ULK4: variants seen among roughly 807,000 people sequenced by gnomAD.
ULK4 encodes inactive serine/threonine-protein kinase ULK4.
A neutral mutation model predicts 160.6 loss-of-function variants in ULK4; 133 were observed. That is an observed-to-expected ratio of 0.83 (90% CI 0.72 to 0.96). ULK4 has a LOEUF of 0.96. ULK4 is among the 40% of genes least tolerant of loss of function. The pLI is 0.00. For synonymous variants in ULK4, 534 were observed against 539.8 expected, an observed-to-expected ratio of 0.99 and a Z score of 0.15; for missense variants, 1,580 against 1,499.5, an observed-to-expected ratio of 1.05 and a Z score of -0.89.
intron 8 of ULK4, among the ~76,000 whole-genome samples, chr3:41,913,621 C>T (rs575151594): frequency 3.9e-5 from 6 of 152,264 alleles, no homozygotes; most frequent in African/African-American, 1.2e-4. Flanking sequence ...CCCTAACTGA[C>T]ACATTTAAGT....
At chr3:41,279,568 G>A (rs573659122) in intron 35 of ULK4, among the ~76,000 whole-genome samples, 114 of 5,002 alleles carry the variant, frequency 0.023, no homozygotes, top group Non-Finnish European at 0.032. Context: ...GAGAAAGGTC[G>A]GGTTACCCCC....
chr3:41,641,828 C>T (rs1392948906), intron 30 of ULK4, among the ~76,000 whole-genome samples: 1 of 118,146 alleles, frequency 8.5e-6, no homozygotes, highest in Admixed American at 7.8e-5. Flanking sequence ...GTTTAAAATG[C>T]AAGTAAAAAA....
chr3:41,854,950 A>G lies in ULK4; in HGVS notation c.1657-18979T>C, dbSNP rs921274618. The G allele has an allele frequency of 1.2e-4, 6 of 51,078 alleles. No individual in the cohort carries two copies. The African/African-American group carries it at 1.7e-3, about 15-fold the overall frequency. The allele number at this position is 51,078 out of a possible 1,614,324, so 3.2% of individuals were successfully genotyped here. ...GGGCCTATACACCCATCCTTGGCTTAAAAAAAAAAAAAAAAAAAAAAAAAA... is the reference window on the plus strand; with the variant it reads ...GGGCCTATACACCCATCCTTGGCTTGAAAAAAAAAAAAAAAAAAAAAAAAA... On this transcript the variant is annotated intron_variant, in intron 17 of 36. Coordinates refer to ENST00000301831, the MANE Select transcript of ULK4 (RefSeq NM_017886.4).
At chr3:41,588,921 G>A (rs1017799448) in intron 31 of ULK4, among the ~76,000 whole-genome samples, 3 of 152,122 alleles carry the variant, frequency 2.0e-5, no homozygotes. Flanking sequence ...AGTTCTCATT[G>A]AGCAGTATGT....
At chr3:41,751,540 A>G (rs1434668512) in intron 22 of ULK4, among the ~76,000 whole-genome samples, 1 of 152,160 alleles carries the variant, frequency 6.6e-6, no homozygotes, top group African/African-American at 2.4e-5. Context: ...AGAAGAGTGG[A>G]GGTCAGTGTC....
intron 32 of ULK4, among the ~76,000 whole-genome samples, chr3:41,473,090 C>A (rs1031925585): frequency 6.6e-6 from 1 of 152,062 alleles, no homozygotes; most frequent in Non-Finnish European, 1.5e-5. Flanking sequence ...AATCAATGTA[C>A]CTCAACATAA....
intron 30 of ULK4, among the ~76,000 whole-genome samples, chr3:41,662,946 CG>C (rs1427827843): frequency 6.6e-6 from 1 of 151,772 alleles, no homozygotes; most frequent in African/African-American, 2.4e-5. Context: ...GTCGGCCGGG[CG>C]GGGTGGCTCA....
chr3:41,935,735 A>G (rs1699756498), intron 4 of ULK4, 66 bp downstream of exon 4: 1 of 1,510,632 alleles, frequency 6.6e-7, no homozygotes, highest in Non-Finnish European at 8.9e-7. Flanking sequence ...AAATAACAAC[A>G]TCTTTGAGAA....
At chr3:41,552,442 A>G (rs958236592) in intron 32 of ULK4, among the ~76,000 whole-genome samples, 5 of 152,036 alleles carry the variant, frequency 3.3e-5, no homozygotes, top group Non-Finnish European at 7.4e-5. Context: ...AAAAATCAGT[A>G]GTCTTTTTAT....
intron 32 of ULK4, among the ~76,000 whole-genome samples, chr3:41,464,022 G>A (rs1239145493): frequency 2.1e-5 from 3 of 143,746 alleles, no homozygotes; most frequent in African/African-American, 5.2e-5. Context: ...AAAAAAAAAA[G>A]TGAATTTTCA....
intron 30 of ULK4, among the ~76,000 whole-genome samples, chr3:41,618,009 G>A (rs1307133784): frequency 2.0e-5 from 3 of 152,082 alleles, no homozygotes; most frequent in Admixed American, 2.0e-4. Flanking sequence ...AGATCAAGTG[G>A]AAGAAAGTAT....
chr3:41,442,907 T>G (rs1157502723), intron 34 of ULK4, among the ~76,000 whole-genome samples: 4 of 152,236 alleles, frequency 2.6e-5, no homozygotes, highest in Non-Finnish European at 4.4e-5. Flanking sequence ...CAAGAGTAGT[T>G]TGAATAGTGC....
Position 41,954,742 on chromosome 3 carries a change from C to T in ULK4, c.18G>A (p.Leu6=). 8 of 1,613,410 alleles carry T rather than the reference C, an allele frequency of 5.0e-6. No individual in the cohort carries two copies. Among genetic ancestry groups the T allele is most frequent in the Non-Finnish European group, 6.8e-6 (8 of 1,179,742 alleles). The change falls in exon 2 of 37, where the codon CTG becomes CTA. Residue 6 remains leucine (L), a synonymous_variant. Coordinates refer to ENST00000301831, the MANE Select transcript of ULK4 (RefSeq NM_017886.4). ...TGCTTCCTCTTCCGATCTCCTCATA[C>T]AGAATAAAGTTTTCCATCTCTGGGC... The part of the protein sequence containing the change: MENFI[L]YEEIGRGSKT...
chr3:41,557,940 T>C (rs1271028829), intron 32 of ULK4, among the ~76,000 whole-genome samples: 1 of 151,928 alleles, frequency 6.6e-6, no homozygotes, highest in Non-Finnish European at 1.5e-5. Context: ...CTGAAGAACA[T>C]AAAAATTTCT....
chr3:41,403,348 C>T (rs762067348), intron 34 of ULK4, among the ~76,000 whole-genome samples: 17 of 152,090 alleles, frequency 1.1e-4, no homozygotes, highest in Non-Finnish European at 1.9e-4. Context: ...GAAGAATTGG[C>T]TCATTTCTTC....
chr3:41,255,913 A>G lies in ULK4; in HGVS notation c.3679-6339T>C, dbSNP rs114655676. On this transcript the variant is annotated intron_variant, in intron 35 of 36. Coordinates refer to ENST00000301831, the MANE Select transcript of ULK4 (RefSeq NM_017886.4). ...AAATCATCTAAAAACTGCAGAATAT[A>G]TATTCTTTTCAAGTGCATATGGAAA... Among the ~76,000 whole-genome samples, 805 of 152,306 alleles carry G rather than the reference A, an allele frequency of 5.3e-3. 4 individuals are homozygous for G. The highest frequency in any genetic ancestry group is 9.1e-3 in the Non-Finnish European group (621 of 68,026).
At chr3:41,391,514 T>G (rs895375468) in intron 35 of ULK4, among the ~76,000 whole-genome samples, 13 of 151,866 alleles carry the variant, frequency 8.6e-5, no homozygotes, top group African/African-American at 3.1e-4. Context: ...CCTCAAGGAA[T>G]ATTTCTTTAC....
At chr3:41,878,643 T>C (rs968441702) in intron 17 of ULK4, among the ~76,000 whole-genome samples, 10 of 129,038 alleles carry the variant, frequency 7.7e-5, no homozygotes, top group African/African-American at 3.1e-4. Context: ...GATTACTACA[T>C]GTAGACAATA....
At chr3:41,927,191 T>C (rs1699415809) in intron 5 of ULK4, among the ~76,000 whole-genome samples, 1 of 152,192 alleles carries the variant, frequency 6.6e-6, no homozygotes, top group Non-Finnish European at 1.5e-5. Flanking sequence ...GGGGTCAATA[T>C]TCAACATTCT....
Sources: allele counts gnomAD v4.1 joint callset (sites outside exome capture counted in the v4.1 genomes callset), GRCh38; gene constraint gnomAD v4.1.1; transcripts MANE v1.5; gene names NCBI Gene and HGNC (gene_info 2026-07-23, HGNC 2026-07-21).